CDK5RAP3: variants seen among roughly 807,000 people sequenced by gnomAD.
CDK5RAP3 encodes CDK5 regulatory subunit-associated protein 3.
A neutral mutation model predicts 73.3 loss-of-function variants in CDK5RAP3; 58 were observed. The observed-to-expected ratio is 0.79, with a 90% CI of 0.64 to 0.98. The LOEUF (loss-of-function observed/expected upper bound fraction) is 0.98. Ranked by LOEUF, CDK5RAP3 falls within the 50% of genes least tolerant of loss-of-function variation. The pLI, the probability that CDK5RAP3 is intolerant of heterozygous loss-of-function variation, is 0.00. For missense variants in CDK5RAP3, 525 were observed against 615.8 expected, an observed-to-expected ratio of 0.85 and a Z score of 1.56; for synonymous variants, 224 against 247.5, an observed-to-expected ratio of 0.91 and a Z score of 0.89.
At chr17:47,970,819 T>A (rs1398197220), upstream of CDK5RAP3, 145 of 1,426,246 alleles carry the variant, frequency 1.0e-4, no homozygotes, top group Middle Eastern at 2.4e-4. Flanking sequence ...GGGAAGCGGC[T>A]GCCAGGCTGG....
At chr17:47,970,883 C>G, upstream of CDK5RAP3, 2 of 1,428,300 alleles carry the variant, frequency 1.4e-6, no homozygotes, top group Non-Finnish European at 1.9e-6. Flanking sequence ...CACCCCCTCC[C>G]GTCCCCTGCC....
rs930320320 is a variant in CDK5RAP3 at position 47,981,212 on chromosome 17, C to T, written c.1333C>T (p.Gln445Ter). The T allele has an allele frequency of 1.2e-6, 2 of 1,614,116 alleles. No homozygotes were observed. Among genetic ancestry groups the T allele is most frequent in the African/African-American group, 2.7e-5 (2 of 74,938 alleles). ...CCTCCAGCAAAAGCTGAAGCAGTCC[C>T]AGCTGCTGGCTTTGAAGAAAGAGCT... ...EFLQQKLKQS[Q>*]LLALKKELMV... Residue 445 changes from glutamine to a stop codon, truncating the protein, a stop_gained, in exon 13 of 14, where the codon CAG becomes TAG. Transcript: ENST00000338399. LOFTEE classifies it high-confidence loss of function.
Position 47,974,094 on chromosome 17 carries a change from C to T in CDK5RAP3, c.285+63C>T. The T allele has an allele frequency of 7.1e-6, 8 of 1,134,090 alleles. No homozygotes were observed. In the South Asian group the frequency reaches 9.8e-5, roughly 14 times the overall value. 70.3% of individuals were successfully genotyped at this position (1,134,090 alleles called of 1,614,324 possible). On this transcript the variant is annotated intron_variant, in intron 4 of 13. Transcript: ENST00000338399. The stretch of plus-strand genomic sequence containing the variant: ...GACATCCAATCCGAGGAGTCATAGC[C>T]TCTGTGGTCTCTCTGAGGCTCCAGT...
chr17:47,968,043 T>C (rs1378848938), upstream of CDK5RAP3: 1 of 152,206 alleles, frequency 6.6e-6, no homozygotes, highest in South Asian at 2.1e-4. Flanking sequence ...GCCCAGCCTG[T>C]TGGTTCAAGG....
intron 8 of CDK5RAP3, chr17:47,976,458 C>G: frequency 2.5e-6 from 1 of 406,754 alleles, no homozygotes; most frequent in Non-Finnish European, 4.5e-6. Context: ...CTCTCAGCCT[C>G]AAGCGATCCT....
Position 47,981,147 on chromosome 17 carries a change from T to C in CDK5RAP3, c.1284-16T>C, listed in dbSNP as rs1255611836. The C allele has an allele frequency of 2.2e-5, 36 of 1,607,686 alleles. No homozygotes were observed. Among genetic ancestry groups the C allele is most frequent in the Non-Finnish European group, 3.1e-5 (36 of 1,175,166 alleles). On this transcript the variant is annotated splice_polypyrimidine_tract_variant and intron_variant, in intron 12 of 13. Transcript: ENST00000338399. ...ATGCACAGCTAACCCAGCACTCACC[T>C]GAGTGCCCCGCACAGGTATGTGGAC...
At position 47,973,507 on chromosome 17, in the gene CDK5RAP3, C is replaced by T; in HGVS notation, c.53-12C>T. ...GAATGGGAATGCTCTAATTTGGGTGCTTCTCATGTAGATTGGCTGGTGGAC... is the reference window on the plus strand; with the variant it reads ...GAATGGGAATGCTCTAATTTGGGTGTTTCTCATGTAGATTGGCTGGTGGAC... On this transcript the variant is annotated splice_polypyrimidine_tract_variant and intron_variant, in intron 2 of 13. Coordinates refer to ENST00000338399, the MANE Select transcript of CDK5RAP3 (RefSeq NM_176096.3). 2 of 1,612,420 alleles carry T rather than the reference C, an allele frequency of 1.2e-6. No individual in the cohort carries two copies. Among genetic ancestry groups the T allele is most frequent in the Non-Finnish European group, 8.5e-7 (1 of 1,178,732 alleles).
upstream of CDK5RAP3, chr17:47,970,720 G>A (rs1365120721): frequency 2.6e-6 from 4 of 1,535,560 alleles, no homozygotes; most frequent in East Asian, 9.8e-5. Flanking sequence ...AAGGAGGGAA[G>A]AAGGTATTTG....
Position 47,971,163 on chromosome 17 carries a change from A to G in CDK5RAP3, c.6+11A>G, listed in dbSNP as rs560190393. The G allele has an allele frequency of 9.7e-6, 15 of 1,547,454 alleles. No homozygotes were observed. The highest frequency in any genetic ancestry group is 2.7e-5 in the African/African-American group (2 of 73,038). On this transcript the variant is annotated intron_variant, in intron 1 of 13. Transcript: ENST00000338399. The stretch of plus-strand genomic sequence containing the variant: ...GGAGGAAAGATGGAGGTGTGGGGAC[A>G]GGAGCTGGGTGTGCTGGGGACTGGC...
chr17:47,980,273 T>G (rs961684516), intron 11 of CDK5RAP3: 4 of 293,664 alleles, frequency 1.4e-5, no homozygotes, highest in Non-Finnish European at 2.6e-5. Flanking sequence ...TCTTTTTTTC[T>G]TTCTTCCTTT....
upstream of CDK5RAP3, chr17:47,970,691 C>T (rs1466484668): frequency 2.0e-6 from 3 of 1,535,596 alleles, no homozygotes; most frequent in Non-Finnish European, 2.6e-6. Context: ...GCACACTGCT[C>T]TGGATGGTAA....
rs1342790394 is a variant in CDK5RAP3, at chr17:47,975,344, G to A, written c.513+7G>A. ...CAAGCAGTATGGCATCACGGTGAGC[G>A]GCGGCAGCCTCTTCGCAGCCAGAGG... On this transcript the variant is annotated splice_region_variant and intron_variant, in intron 6 of 13. Transcript: ENST00000338399. 2.9e-5 allele frequency: 47 copies of A among 1,612,686 alleles called. No individual in the cohort carries two copies. Among genetic ancestry groups the A allele is most frequent in the Admixed American group, 2.2e-4 (13 of 59,996 alleles).
At position 47,981,491 on chromosome 17, in the gene CDK5RAP3, A is replaced by G. The variant is rs755776677; in HGVS notation, c.1510A>G (p.Thr504Ala). Residue 504 changes from threonine to alanine, a missense_variant, in exon 14 of 14, where the codon ACC (threonine) becomes GCC (alanine). Transcript: ENST00000338399. ...CGGGCGCCCTGTGAACCTGATGGGA[A>G]CCTCTCTGTGACACCCTCCGTGTTC... ...YSGRPVNLMGTSL is the reference protein window; with the variant it reads ...YSGRPVNLMGASL The G allele has an allele frequency of 1.2e-4, 195 of 1,613,864 alleles. 1 individual carries two copies. The highest frequency in any genetic ancestry group is 1.6e-4 in the Non-Finnish European group (189 of 1,179,994).
At position 47,980,269 on chromosome 17, in the gene CDK5RAP3, T is replaced by G; in HGVS notation, c.1078-324T>G. 1.4e-5 allele frequency: 4 copies of G among 291,958 alleles called. No individual in the cohort carries two copies. The South Asian group carries it at 1.5e-4, about 11-fold the overall frequency. The allele number at this position is 291,958 out of a possible 1,614,324, so 18.1% of individuals were successfully genotyped here. ...AGTTTGAACCAATTTATCTTCTTTTTTTCTTTCTTCCTTTTTTTTTAAAAA... is the reference window on the plus strand; with the variant it reads ...AGTTTGAACCAATTTATCTTCTTTTGTTCTTTCTTCCTTTTTTTTTAAAAA... On this transcript the variant is annotated intron_variant, in intron 11 of 13. Coordinates refer to ENST00000338399, the MANE Select transcript of CDK5RAP3 (RefSeq NM_176096.3).
intron 2 of CDK5RAP3, 135 bp downstream of exon 2, chr17:47,971,542 A>G (rs141963575): frequency 8.3e-6 from 7 of 839,776 alleles, no homozygotes; most frequent in Non-Finnish European, 1.3e-5. Context: ...TCTATGCCCC[A>G]TCTGTGGCCA....
At chr17:47,978,243 A>AT (rs752128646) in intron 10 of CDK5RAP3, among the ~76,000 whole-genome samples, 2 of 151,428 alleles carry the variant, frequency 1.3e-5, no homozygotes, top group East Asian at 1.9e-4. Context: ...CTAATTTTAT[A>AT]TTTTTTTAGT....
At chr17:47,974,119 T>A in intron 4 of CDK5RAP3, 88 bp downstream of exon 4, 1 of 889,018 alleles carries the variant, frequency 1.1e-6, no homozygotes, top group Non-Finnish European at 1.9e-6. Context: ...GAGGCTCCAG[T>A]GGGGATGCCT....
At chr17:47,977,960 C>A in intron 10 of CDK5RAP3, 50 bp downstream of exon 10, 1 of 1,405,268 alleles carries the variant, frequency 7.1e-7, no homozygotes, top group Non-Finnish European at 1.0e-6. Flanking sequence ...TGCTCAAGGG[C>A]CCCCACGTGT....
rs763615553 is a variant in CDK5RAP3 at position 47,978,814 on chromosome 17, G to A, written c.989-15G>A. The A allele has an allele frequency of 9.3e-6, 15 of 1,605,894 alleles. No individual in the cohort carries two copies. Among genetic ancestry groups the A allele is most frequent in the African/African-American group, 1.3e-5 (1 of 74,720 alleles). On this transcript the variant is annotated splice_polypyrimidine_tract_variant and intron_variant, in intron 10 of 13. Transcript: ENST00000338399. Reference sequence around the variant, plus strand: ...TCCTCTGATCCTTTATCACTTCTCTGTCTCTTCCTGGCAGCTCCAGAAGGT... The same window carrying A: ...TCCTCTGATCCTTTATCACTTCTCTATCTCTTCCTGGCAGCTCCAGAAGGT...
Sources: gnomAD v4.1 joint callset for allele counts (sites outside exome capture counted in the v4.1 genomes callset) on GRCh38, gnomAD v4.1.1 for gene constraint, MANE v1.5 for transcripts, NCBI Gene and HGNC (gene_info 2026-07-23, HGNC 2026-07-21) for gene names.